Variants in ZDHHC15 observed in about 807,000 individuals in gnomAD.
The protein encoded by ZDHHC15 is palmitoyltransferase ZDHHC15.
A neutral mutation model predicts 31.7 loss-of-function variants in ZDHHC15; 19 were observed. That is an observed-to-expected ratio of 0.60 (90% CI 0.42 to 0.88). The LOEUF is 0.88. Among genes scored for constraint, ZDHHC15 ranks in the 40% least tolerant of loss-of-function variants. The pLI, the probability that ZDHHC15 is intolerant of heterozygous loss-of-function variation, is 0.00. For missense variants in ZDHHC15, 209 were observed against 251.2 expected (o/e 0.83, Z 1.14); for synonymous variants, 103 against 90.0 (o/e 1.14, Z -0.82).
rs145200837 is a variant in ZDHHC15 at position 75,427,182 on chromosome X, A to G, written c.603+1896T>C. ...ACTAAAGTGTTATCTGGCTAAAGAG[A>G]CTGCCAGGGAGCATTTCTCTGAACT... is the stretch of plus-strand genomic sequence containing the variant. On this transcript the variant is annotated intron_variant, in intron 7 of 11. Transcript: ENST00000373367. Among the ~76,000 whole-genome samples the G allele has an allele frequency of 7.9e-3, 883 of 111,464 alleles. 10 individuals are homozygous for G. The highest frequency in any genetic ancestry group is 0.026 in the African/African-American group (815 of 30,759).
intron 7 of ZDHHC15, among the ~76,000 whole-genome samples, chrX:75,428,610 G>C (rs768016604): frequency 9.0e-5 from 10 of 111,723 alleles, no homozygotes; most frequent in African/African-American, 2.6e-4. Context: ...AGATAGGTCA[G>C]TATATCTTTC....
intron 7 of ZDHHC15, 136 bp from the exon 8 acceptor site, chrX:75,424,920 T>A: frequency 1.4e-6 from 1 of 697,014 alleles, no homozygotes; most frequent in Non-Finnish European, 2.0e-6. Flanking sequence ...GTAAAATTTT[T>A]ATAATATGGT....
intron 1 of ZDHHC15, among the ~76,000 whole-genome samples, chrX:75,511,736 G>A (rs1465399013): frequency 1.1e-5 from 1 of 94,917 alleles, no homozygotes. Context: ...CATTCCTTCT[G>A]AAACTATTCC....
chrX:75,447,303 T>C (rs917690844), intron 4 of ZDHHC15, among the ~76,000 whole-genome samples: 27 of 112,410 alleles, frequency 2.4e-4, no homozygotes, highest in African/African-American at 8.7e-4. Context: ...TGGATACAGA[T>C]TTGTCTTCCC....
intron 2 of ZDHHC15, among the ~76,000 whole-genome samples, chrX:75,487,310 C>A (rs1408058585): frequency 8.9e-6 from 1 of 112,382 alleles, no homozygotes; most frequent in African/African-American, 3.2e-5. Context: ...GGAGCAGGTG[C>A]TGGAATCTAT....
At chrX:75,444,461 C>A (rs2083996213) in intron 4 of ZDHHC15, among the ~76,000 whole-genome samples, 1 of 66,457 alleles carries the variant, frequency 1.5e-5, no homozygotes, top group Non-Finnish European at 2.7e-5. Flanking sequence ...CACACCAGGG[C>A]CTGTCGTGGG....
intron 4 of ZDHHC15, 29 bp downstream of exon 4, chrX:75,450,773 C>T (rs749580226): frequency 1.2e-5 from 15 of 1,208,239 alleles, no homozygotes; most frequent in East Asian, 5.9e-5. Context: ...TGCTGAGCTG[C>T]CTCTCTAGCT....
chrX:75,490,225 A>T (rs1327312572), intron 2 of ZDHHC15, among the ~76,000 whole-genome samples: 1 of 111,564 alleles, frequency 9.0e-6, no homozygotes, highest in Non-Finnish European at 1.9e-5. Context: ...ATTCAAATTC[A>T]GGAAATACAG....
At chrX:75,386,637 A>G (rs750896491) in intron 10 of ZDHHC15, among the ~76,000 whole-genome samples, 2 of 110,435 alleles carry the variant, frequency 1.8e-5, no homozygotes, top group African/African-American at 6.6e-5. Context: ...CACGACACCC[A>G]GTTAATTTTT....
chrX:75,417,523 A>C (rs2083562334), intron 9 of ZDHHC15, among the ~76,000 whole-genome samples: 1 of 111,806 alleles, frequency 8.9e-6, no homozygotes, highest in Admixed American at 9.6e-5. Flanking sequence ...CAATTATCTC[A>C]CTGCTTTGAT....
At chrX:75,425,093 G>T (rs1170130953) in intron 7 of ZDHHC15, among the ~76,000 whole-genome samples, 2 of 110,662 alleles carry the variant, frequency 1.8e-5, no homozygotes, top group Non-Finnish European at 3.8e-5. Flanking sequence ...GTATGCAACC[G>T]CTTACAGCTT....
chrX:75,429,834 A>G, intron 6 of ZDHHC15, 114 bp downstream of exon 6: 3 of 770,874 alleles, frequency 3.9e-6, no homozygotes, highest in Non-Finnish European at 5.6e-6. Context: ...GAAATATAAA[A>G]CCCAGTGAAT....
chrX:75,405,720 G>A (rs1307910108), intron 10 of ZDHHC15, among the ~76,000 whole-genome samples: 2 of 111,563 alleles, frequency 1.8e-5, no homozygotes, highest in African/African-American at 3.3e-5. Flanking sequence ...AATAACAGTA[G>A]GGCAGTTTAA....
intron 10 of ZDHHC15, among the ~76,000 whole-genome samples, chrX:75,383,584 C>T (rs767149537): frequency 3.2e-4 from 36 of 110,881 alleles, no homozygotes; most frequent in African/African-American, 1.1e-3. Context: ...AATCAACTCA[C>T]GGGAAATCAT....
intron 10 of ZDHHC15, among the ~76,000 whole-genome samples, chrX:75,408,583 A>G (rs2083446446): frequency 8.9e-6 from 1 of 112,212 alleles, no homozygotes; most frequent in Non-Finnish European, 1.9e-5. Context: ...GCAACATAAT[A>G]CTAGAAATCC....
At chrX:75,447,114 T>G (rs903384231) in intron 4 of ZDHHC15, among the ~76,000 whole-genome samples, 45 of 111,787 alleles carry the variant, frequency 4.0e-4, no homozygotes, top group Admixed American at 2.7e-3. Context: ...TCACCAAGGC[T>G]GACCTGGCTA....
chrX:75,431,504 G>T lies in ZDHHC15; in HGVS notation c.396C>A (p.Asp132Glu). The T allele has an allele frequency of 8.3e-7, 1 of 1,208,603 alleles. No homozygotes were observed. The highest frequency in any genetic ancestry group is 1.7e-5 in the African/African-American group (1 of 57,383). ...GGTCTGGCTTGATCAGATGACACCG[G>T]TCACAGAATCGTACAGCTATAAAAA... Reference protein sequence around the residue: ...RTGSGAVRFCDRCHLIKPDRC... With the variant: ...RTGSGAVRFCERCHLIKPDRC... The change falls in exon 5 of 12, where the codon GAC (aspartate) becomes GAA (glutamate). Residue 132 changes from aspartate (D) to glutamate (E), a missense_variant. Transcript: ENST00000373367.
rs1454465160 is a variant in ZDHHC15, at chrX:75,429,111, C to T, written c.570G>A (p.Thr190=). Residue 190 remains threonine, a synonymous_variant, in exon 7 of 12, where the codon ACG becomes ACA. Coordinates refer to ENST00000373367, the MANE Select transcript of ZDHHC15 (RefSeq NM_144969.3). ...ATTTGATGAAATAGCTGAAGACTGT[C>T]GTAGCAATGTACAGGCAGTAGAGAA... ...YSVLYCLYIA[T]TVFSYFIKYW... 9 of 1,207,544 alleles carry T rather than the reference C, an allele frequency of 7.5e-6. No individual in the cohort carries two copies. Among genetic ancestry groups the T allele is most frequent in the Middle Eastern group, 2.3e-4 (1 of 4,339 alleles).
chrX:75,491,540 G>T (rs916455432), intron 2 of ZDHHC15, among the ~76,000 whole-genome samples: 9 of 107,285 alleles, frequency 8.4e-5, no homozygotes, highest in Non-Finnish European at 1.5e-4. Flanking sequence ...ACGAGCTAAT[G>T]GGTGCAGCAC....
Sources: allele counts gnomAD v4.1 joint callset (sites outside exome capture counted in the v4.1 genomes callset), GRCh38; gene constraint gnomAD v4.1.1; transcripts MANE v1.5; gene names NCBI Gene and HGNC (gene_info 2026-07-23, HGNC 2026-07-21).